NAA60: variants seen among roughly 807,000 people sequenced by gnomAD.
The protein encoded by NAA60 is N-alpha-acetyltransferase 60.
In NAA60, 8 loss-of-function variants were observed where a neutral mutation model predicts 26.1. The ratio of observed to expected loss-of-function variants is 0.31; its 90% CI spans 0.18 to 0.55. The LOEUF (loss-of-function observed/expected upper bound fraction) is 0.55, where lower values mean the gene tolerates loss of function less well. Ranked by LOEUF, NAA60 falls within the 20% of genes least tolerant of loss-of-function variation. The probability of loss-of-function intolerance (pLI) is 0.93; values close to 1 mark genes in which losing one functional copy is unlikely to be tolerated. For synonymous variants in NAA60, 131 were observed against 122.5 expected (o/e 1.07, Z -0.46); for missense variants, 290 against 311.3 (o/e 0.93, Z 0.51).
At chr16:3,443,654 T>G (rs1202681367), upstream of NAA60, 2 of 1,274,734 alleles carry the variant, frequency 1.6e-6, no homozygotes, top group Non-Finnish European at 2.1e-6. Context: ...GAGGTAGTTT[T>G]CCTCCTTTTC....
Position 3,479,544 on chromosome 16 carries a change from GC to G in NAA60, c.186del (p.Ile63LeufsTer4). ...FFSLAATYRGAIVGMIVAEIK... is the reference protein window; with the variant it reads ...FFSLAATYRGXIVGMIVAEIK... ...TTCCCTTGCTGCAACCTACAGAGGT[GC>G]CATTGTGGGAATGATAGTAGCTGAA... On this transcript the variant is annotated frameshift_variant, in exon 4 of 8. Transcript: ENST00000407558. LOFTEE classifies it high-confidence loss of function. 6.2e-7 allele frequency: 1 copy of G among 1,614,058 alleles called. No individual in the cohort carries two copies. The highest frequency in any genetic ancestry group is 8.5e-7 in the Non-Finnish European group (1 of 1,179,886).
At chr16:3,472,549 C>T (rs2036221551) in intron 2 of NAA60, among the ~76,000 whole-genome samples, 1 of 152,202 alleles carries the variant, frequency 6.6e-6, no homozygotes, top group South Asian at 2.1e-4. Context: ...TCTGTTGCCT[C>T]AGCCTCCTAA....
chr16:3,445,566 C>T (rs568889974), intron 1 of NAA60, among the ~76,000 whole-genome samples: 9 of 152,028 alleles, frequency 5.9e-5, no homozygotes, highest in East Asian at 5.8e-4. Flanking sequence ...TGAGCCACCG[C>T]GCCCCGCCTA....
chr16:3,472,884 C>A (rs1427825260), intron 2 of NAA60, among the ~76,000 whole-genome samples: 1 of 152,268 alleles, frequency 6.6e-6, no homozygotes, highest in African/African-American at 2.4e-5. Flanking sequence ...GCATATTCCA[C>A]TGTGCATCTG....
chr16:3,464,928 A>C (rs2035642578), intron 2 of NAA60, among the ~76,000 whole-genome samples: 1 of 152,090 alleles, frequency 6.6e-6, no homozygotes, highest in South Asian at 2.1e-4. Context: ...TTTCAGTGGG[A>C]ATGTGAGATC....
rs13740 is a variant in NAA60 at position 3,484,892 on chromosome 16, G to A, written c.*37G>A. On this transcript the variant is annotated 3_prime_UTR_variant, in exon 7 of 8. Coordinates refer to ENST00000407558, the MANE Select transcript of NAA60 (RefSeq NM_001083601.3). Reference sequence around the variant, plus strand: ...CAGCCGCCACCAGGCCCCACCCTTCGGCCGCCCGCAGAGCCCGCCTTCCTG... The same window carrying A: ...CAGCCGCCACCAGGCCCCACCCTTCAGCCGCCCGCAGAGCCCGCCTTCCTG... 0.7 allele frequency: 1,086,693 copies of A among 1,549,912 alleles called. 386,313 individuals carry two copies. Among genetic ancestry groups the A allele is most frequent in the Non-Finnish European group, 0.73 (838,545 of 1,147,218 alleles).
At chr16:3,450,141 A>G (rs1242016193) in intron 2 of NAA60, 1 of 373,758 alleles carries the variant, frequency 2.7e-6, no homozygotes, top group African/African-American at 2.1e-5. Context: ...CCATGCATAC[A>G]TTAATAAACC....
intron 2 of NAA60, among the ~76,000 whole-genome samples, chr16:3,464,690 GC>G (rs774781950): frequency 2.6e-5 from 4 of 152,148 alleles, no homozygotes; most frequent in Non-Finnish European, 4.4e-5. Context: ...ACTCCCATGT[GC>G]CCCCAAACCT....
intron 2 of NAA60, among the ~76,000 whole-genome samples, chr16:3,467,358 G>A (rs569780080): frequency 3.6e-4 from 55 of 152,274 alleles, no homozygotes; most frequent in Admixed American, 1.2e-3. Context: ...GCAGGGCAGT[G>A]TGGCCATGGC....
chr16:3,457,322 G>A (rs2035044116), intron 2 of NAA60, among the ~76,000 whole-genome samples: 1 of 152,146 alleles, frequency 6.6e-6, no homozygotes, highest in Non-Finnish European at 1.5e-5. Flanking sequence ...TTTTTAATTA[G>A]CCAGGCATGG....
At position 3,484,727 on chromosome 16, in the gene NAA60, C is replaced by G. The variant is rs1567403388; in HGVS notation, c.601C>G (p.Leu201Val). ...CTACATCCAGCACCTGGGCTCTGCA[C>G]TAGCCAGCCTGAGCCCCTGCTCCAT... Reference protein sequence around the residue: ...LDYIQHLGSALASLSPCSIPH... With the variant: ...LDYIQHLGSAVASLSPCSIPH... Residue 201 changes from leucine (L) to valine (V), a missense_variant, in exon 7 of 8, where the codon CTA becomes GTA. Leu to Val is a conservative substitution (Grantham distance 32, BLOSUM62 1). Coordinates refer to ENST00000407558, the MANE Select transcript of NAA60 (RefSeq NM_001083601.3). 2 of 1,595,252 alleles carry G rather than the reference C, an allele frequency of 1.3e-6. No homozygotes were observed. Among genetic ancestry groups the G allele is most frequent in the African/African-American group, 2.7e-5 (2 of 74,506 alleles).
intron 2 of NAA60, among the ~76,000 whole-genome samples, chr16:3,453,212 C>T (rs144204059): frequency 2.0e-5 from 3 of 152,212 alleles, no homozygotes; most frequent in Non-Finnish European, 4.4e-5. Context: ...GCCTGGGCAA[C>T]ATGGTGAAAC....
At chr16:3,444,400 TATAAG>T (rs2034465834) in intron 1 of NAA60, among the ~76,000 whole-genome samples, 1 of 152,086 alleles carries the variant, frequency 6.6e-6, no homozygotes, top group Admixed American at 6.6e-5. Flanking sequence ...TTTCAAAGAT[TATAAG>T]ATAATGTAAG....
intron 2 of NAA60, among the ~76,000 whole-genome samples, chr16:3,463,868 G>A (rs966870883): frequency 2.0e-5 from 3 of 152,016 alleles, no homozygotes; most frequent in African/African-American, 7.3e-5. Flanking sequence ...GTGTGTGTTC[G>A]TCATTTTGAC....
intron 2 of NAA60, among the ~76,000 whole-genome samples, chr16:3,450,486 G>A (rs2034732664): frequency 2.0e-5 from 3 of 152,122 alleles, no homozygotes; most frequent in Admixed American, 2.0e-4. Flanking sequence ...GGATCACAAG[G>A]TCAGGAGATC....
At chr16:3,467,927 A>G (rs1014523629) in intron 2 of NAA60, 1 of 152,218 alleles carries the variant, frequency 6.6e-6, no homozygotes, top group African/African-American at 2.4e-5. Context: ...TTGAAAACGA[A>G]AGTACACTCC....
chr16:3,484,529 C>T (rs1347090685), intron 6 of NAA60, 170 bp from the exon 7 acceptor site: 3 of 857,720 alleles, frequency 3.5e-6, no homozygotes, highest in African/African-American at 1.7e-5. Flanking sequence ...GCAGAGGCCA[C>T]TTCGTCTCAT....
intron 7 of NAA60, 81 bp downstream of exon 7, chr16:3,485,142 A>C: frequency 3.5e-6 from 3 of 867,310 alleles, no homozygotes; most frequent in South Asian, 1.4e-5. Flanking sequence ...GGCACAGAGA[A>C]CGGCAGAGCC....
At chr16:3,452,767 C>A (rs925494481) in intron 2 of NAA60, among the ~76,000 whole-genome samples, 1 of 151,768 alleles carries the variant, frequency 6.6e-6, no homozygotes. Context: ...CCAGCCTGGG[C>A]AACATAGTGA....
Sources: allele counts gnomAD v4.1 joint callset (sites outside exome capture counted in the v4.1 genomes callset), GRCh38; gene constraint gnomAD v4.1.1; transcripts MANE v1.5; gene names NCBI Gene and HGNC (gene_info 2026-07-23, HGNC 2026-07-21).